MARCHF3: variants seen among roughly 807,000 people sequenced by gnomAD.
MARCHF3 encodes E3 ubiquitin-protein ligase MARCHF3.
In MARCHF3, 13 loss-of-function variants were observed where a neutral mutation model predicts 24.2. The observed-to-expected ratio is 0.54, with a 90% CI of 0.35 to 0.85. The LOEUF is 0.85. Among genes scored for constraint, MARCHF3 ranks in the 40% least tolerant of loss-of-function variants. MARCHF3 has a pLI of 0.01. For missense variants in MARCHF3, 276 were observed against 325.0 expected (o/e 0.85, Z 1.16); for synonymous variants, 144 against 137.3 (o/e 1.05, Z -0.34).
chr5:126,985,656 T>C (rs1284161113), intron 1 of MARCHF3, among the ~76,000 whole-genome samples: 1 of 151,982 alleles, frequency 6.6e-6, no homozygotes, highest in Non-Finnish European at 1.5e-5. Context: ...TTTTATTTTT[T>C]AGTAGAGACA....
intron 1 of MARCHF3, among the ~76,000 whole-genome samples, chr5:126,939,683 A>C (rs1009623646): frequency 6.6e-6 from 1 of 152,242 alleles, no homozygotes; most frequent in African/African-American, 2.4e-5. Flanking sequence ...TGTTATTTAC[A>C]GTAGTTATGT....
intron 1 of MARCHF3, among the ~76,000 whole-genome samples, chr5:126,938,012 T>C (rs987635151): frequency 6.6e-6 from 1 of 152,186 alleles, no homozygotes; most frequent in African/African-American, 2.4e-5. Context: ...GGCAAGACCA[T>C]GTGTAGTAGC....
intron 3 of MARCHF3, among the ~76,000 whole-genome samples, chr5:126,914,144 C>A (rs1459237007): frequency 6.6e-6 from 1 of 151,710 alleles, no homozygotes; most frequent in African/African-American, 2.4e-5. Flanking sequence ...CCACCATGCC[C>A]GGCTAATTTT....
intron 3 of MARCHF3, among the ~76,000 whole-genome samples, chr5:126,909,613 CT>C (rs1043690956): frequency 1.3e-5 from 2 of 152,202 alleles, no homozygotes; most frequent in African/African-American, 4.8e-5. Flanking sequence ...CTTTCTTTGA[CT>C]AGGAAAGGGA....
At chr5:126,908,440 T>C (rs919540337) in intron 3 of MARCHF3, among the ~76,000 whole-genome samples, 6 of 152,214 alleles carry the variant, frequency 3.9e-5, no homozygotes, top group African/African-American at 9.6e-5. Flanking sequence ...CCATTCTCCC[T>C]GTCACTTTCA....
intron 1 of MARCHF3, among the ~76,000 whole-genome samples, chr5:127,024,941 A>C (rs1416921953): frequency 6.6e-6 from 1 of 152,238 alleles, no homozygotes; most frequent in Non-Finnish European, 1.5e-5. Flanking sequence ...ATGGCTACGC[A>C]TTGCAAAAAC....
chr5:126,961,831 T>C (rs1485262903), intron 1 of MARCHF3, among the ~76,000 whole-genome samples: 1 of 152,154 alleles, frequency 6.6e-6, no homozygotes, highest in African/African-American at 2.4e-5. Flanking sequence ...ACTGAGTCAT[T>C]TGAGCTCACT....
chr5:127,022,276 G>A (rs935187428), intron 1 of MARCHF3, among the ~76,000 whole-genome samples: 2 of 152,140 alleles, frequency 1.3e-5, no homozygotes, highest in Non-Finnish European at 2.9e-5. Flanking sequence ...CTTTGAGAAT[G>A]GTCAAAAATG....
intron 1 of MARCHF3, among the ~76,000 whole-genome samples, chr5:127,000,827 C>T (rs565524427): frequency 3.3e-5 from 5 of 152,112 alleles, no homozygotes; most frequent in East Asian, 2.0e-4. Context: ...CCACCACGCC[C>T]GGCTAATTTT....
rs551485784 is a variant in MARCHF3, at chr5:126,927,595, C to T, written c.-56-9368G>A. ...GTACAGAGTGGCCTCTCTTCCACACCCCCACCTGTTGGAGTGCTGGCTCCA... is the reference window on the plus strand; with the variant it reads ...GTACAGAGTGGCCTCTCTTCCACACTCCCACCTGTTGGAGTGCTGGCTCCA... On this transcript the variant is annotated intron_variant, in intron 1 of 4. Transcript: ENST00000308660. Among the ~76,000 whole-genome samples the T allele has an allele frequency of 3.9e-5, 6 of 152,288 alleles. No individual in the cohort carries two copies. The South Asian group carries it at 1.0e-3, about 26-fold the overall frequency.
At chr5:127,010,500 G>A (rs1490112850) in intron 1 of MARCHF3, among the ~76,000 whole-genome samples, 1 of 151,992 alleles carries the variant, frequency 6.6e-6, no homozygotes, top group Non-Finnish European at 1.5e-5. Flanking sequence ...GCACATCCAG[G>A]CCCAACTGTC....
intron 1 of MARCHF3, among the ~76,000 whole-genome samples, chr5:126,963,579 CT>C (rs556313512): frequency 9.1e-4 from 138 of 152,302 alleles, no homozygotes; most frequent in African/African-American, 3.1e-3. Flanking sequence ...TTTATTTATA[CT>C]TTGAGCTAAG....
At chr5:126,943,928 A>G (rs966722779) in intron 1 of MARCHF3, among the ~76,000 whole-genome samples, 1 of 151,954 alleles carries the variant, frequency 6.6e-6, no homozygotes, top group Admixed American at 6.6e-5. Flanking sequence ...TCTCTGCCTC[A>G]GCCTCCCAAG....
intron 2 of MARCHF3, among the ~76,000 whole-genome samples, chr5:126,916,858 A>G (rs1439585994): frequency 6.6e-6 from 1 of 152,216 alleles, no homozygotes; most frequent in Non-Finnish European, 1.5e-5. Flanking sequence ...AGGACCGAAG[A>G]TAGTCACTGC....
chr5:126,912,597 T>A (rs1754576966), intron 3 of MARCHF3, among the ~76,000 whole-genome samples: 1 of 152,194 alleles, frequency 6.6e-6, no homozygotes, highest in African/African-American at 2.4e-5. Flanking sequence ...AGATGCATGT[T>A]TATCTTGAGG....
rs768615641 is a variant in MARCHF3 at position 126,989,328 on chromosome 5, C to CTAA, written c.-57+41021_-57+41022insTTA. On this transcript the variant is annotated intron_variant, in intron 1 of 4. Transcript: ENST00000308660. ...ACTAGTACTACTACTACTACTACTA[C>CTAA]TACTACTACTAATAATAATAATAAT... Among the ~76,000 whole-genome samples, 952 of 149,302 alleles carry CTAA rather than the reference C, an allele frequency of 6.4e-3. 13 individuals are homozygous for CTAA. The highest frequency in any genetic ancestry group is 0.023 in the African/African-American group (899 of 39,928).
At chr5:127,002,101 G>A (rs932789389) in intron 1 of MARCHF3, among the ~76,000 whole-genome samples, 7 of 152,152 alleles carry the variant, frequency 4.6e-5, no homozygotes, top group African/African-American at 1.2e-4. Flanking sequence ...ATGACATGGC[G>A]CAAAAGGATT....
intron 1 of MARCHF3, among the ~76,000 whole-genome samples, chr5:127,005,738 C>G (rs1443322312): frequency 6.6e-6 from 1 of 152,012 alleles, no homozygotes; most frequent in Non-Finnish European, 1.5e-5. Context: ...ATTATTAGAT[C>G]ATGAATCCCA....
At chr5:127,026,697 T>A (rs371584376) in intron 1 of MARCHF3, among the ~76,000 whole-genome samples, 1 of 152,152 alleles carries the variant, frequency 6.6e-6, no homozygotes, top group South Asian at 2.1e-4. Context: ...TCTTTGAATG[T>A]GAAAGACAAG....
Sources: allele counts gnomAD v4.1 joint callset (sites outside exome capture counted in the v4.1 genomes callset), GRCh38; gene constraint gnomAD v4.1.1; transcripts MANE v1.5; gene names NCBI Gene and HGNC (gene_info 2026-07-23, HGNC 2026-07-21).